TTC28: variants seen among roughly 807,000 people sequenced by gnomAD.
The protein encoded by TTC28 is tetratricopeptide repeat domain 28.
In TTC28, 61 loss-of-function variants were observed where a neutral mutation model predicts 198.0. The observed-to-expected ratio is 0.31, with a 90% CI of 0.25 to 0.38. The LOEUF is 0.38. Ranked by LOEUF, TTC28 falls within the 10% of genes least tolerant of loss-of-function variation. TTC28 has a pLI of 1.00. For synonymous variants in TTC28, 1,171 were observed against 1,297.8 expected (o/e 0.90, Z 2.10); for missense variants, 2,678 against 3,164.0 (o/e 0.85, Z 3.69).
chr22:28,573,504 A>G (rs928804623), intron 2 of TTC28, among the ~76,000 whole-genome samples: 1 of 151,982 alleles, frequency 6.6e-6, no homozygotes, highest in Non-Finnish European at 1.5e-5. Flanking sequence ...AGCAATAAAG[A>G]ACAGAAAAAT....
intron 1 of TTC28, among the ~76,000 whole-genome samples, chr22:28,634,671 C>A (rs956447892): frequency 1.3e-5 from 2 of 150,640 alleles, no homozygotes; most frequent in Admixed American, 6.6e-5. Context: ...CTGCAACCTT[C>A]GCCTCCAGGT....
chr22:28,084,524 C>G (rs1941488515), intron 12 of TTC28, among the ~76,000 whole-genome samples: 1 of 152,156 alleles, frequency 6.6e-6, no homozygotes, highest in Non-Finnish European at 1.5e-5. Context: ...TCACCATCAT[C>G]AAAGACCAAA....
At chr22:28,530,185 C>T (rs1361561793) in intron 2 of TTC28, among the ~76,000 whole-genome samples, 1 of 152,128 alleles carries the variant, frequency 6.6e-6, no homozygotes, top group African/African-American at 2.4e-5. Context: ...GAATGGCTAA[C>T]TAGAATAAAC....
chr22:28,257,102 G>A (rs972198264), intron 5 of TTC28, among the ~76,000 whole-genome samples: 5 of 152,086 alleles, frequency 3.3e-5, no homozygotes, highest in African/African-American at 7.2e-5. Flanking sequence ...AGGCAATAAC[G>A]GATGCTGGTG....
chr22:28,431,417 T>C (rs901347189), intron 2 of TTC28, among the ~76,000 whole-genome samples: 28 of 152,250 alleles, frequency 1.8e-4, no homozygotes, highest in African/African-American at 6.3e-4. Flanking sequence ...ACAAAAACTG[T>C]ACAATTTCAT....
intron 2 of TTC28, among the ~76,000 whole-genome samples, chr22:28,351,988 G>A (rs542011832): frequency 6.6e-6 from 1 of 152,158 alleles, no homozygotes; most frequent in African/African-American, 2.4e-5. Context: ...TGAATACTCT[G>A]CTGTGTGTTC....
chr22:28,440,209 A>G (rs2047596753), intron 2 of TTC28, among the ~76,000 whole-genome samples: 1 of 152,090 alleles, frequency 6.6e-6, no homozygotes. Flanking sequence ...CTTGCTTTTT[A>G]GGGCAATTAC....
At chr22:28,614,767 T>G (rs902592405) in intron 2 of TTC28, among the ~76,000 whole-genome samples, 2 of 152,124 alleles carry the variant, frequency 1.3e-5, no homozygotes, top group Non-Finnish European at 2.9e-5. Flanking sequence ...CTGGACCCCT[T>G]CCTTACACCT....
chr22:28,615,503 TG>T (rs1445198453), intron 2 of TTC28, among the ~76,000 whole-genome samples: 1 of 152,184 alleles, frequency 6.6e-6, no homozygotes, highest in African/African-American at 2.4e-5. Context: ...TGCACACGTA[TG>T]TTTATTGCAG....
intron 5 of TTC28, among the ~76,000 whole-genome samples, chr22:28,163,830 C>T (rs1055280557): frequency 2.6e-5 from 4 of 152,202 alleles, no homozygotes; most frequent in African/African-American, 9.6e-5. Flanking sequence ...CGTGCATGAG[C>T]TGAAGCACGG....
Position 28,233,547 on chromosome 22 carries a change from G to C in TTC28, c.933+62651C>G, listed in dbSNP as rs186191050. Among the ~76,000 whole-genome samples, 268 of 152,256 alleles carry C rather than the reference G, an allele frequency of 1.8e-3. 2 individuals carry two copies. The highest frequency in any genetic ancestry group is 6.3e-3 in the African/African-American group (261 of 41,556). On this transcript the variant is annotated intron_variant, in intron 5 of 22. Coordinates refer to ENST00000397906, the MANE Select transcript of TTC28 (RefSeq NM_001145418.2). ...AATGATAAAAAATAACCCAGAGGTT[G>C]ATTCCCCAGTTAGACATATGTATTC... is the stretch of plus-strand genomic sequence containing the variant.
chr22:28,485,458 T>C (rs1018465908), intron 2 of TTC28, among the ~76,000 whole-genome samples: 1 of 152,202 alleles, frequency 6.6e-6, no homozygotes, highest in Non-Finnish European at 1.5e-5. Context: ...ACTTCTATCC[T>C]GTATTTTCCA....
chr22:28,117,554 C>A (rs1455984365), intron 6 of TTC28, among the ~76,000 whole-genome samples: 1 of 151,974 alleles, frequency 6.6e-6, no homozygotes, highest in Non-Finnish European at 1.5e-5. Flanking sequence ...CCACAAAAAC[C>A]TGTAAACTTG....
Position 27,993,324 on chromosome 22 carries a change from C to G in TTC28, c.5439G>C (p.Arg1813=), listed in dbSNP as rs1937481965. 2 of 1,548,228 alleles carry G rather than the reference C, an allele frequency of 1.3e-6. No individual in the cohort carries two copies. The highest frequency in any genetic ancestry group is 1.7e-6 in the Non-Finnish European group (2 of 1,146,320). ...GGAGTGTGCTGCTGCACTGCTGGAG[C>G]CGGTCGCCCGGGTCGGAGGTTGGGA... ...VFFPTSDPGD[R]LQQCSSTLQS... The change falls in exon 18 of 23, where the codon CGG becomes CGC. Residue 1813 remains arginine, a synonymous_variant. Transcript: ENST00000397906.
At chr22:28,333,208 C>G (rs1601642231) in intron 2 of TTC28, among the ~76,000 whole-genome samples, 1 of 152,000 alleles carries the variant, frequency 6.6e-6, no homozygotes, top group Admixed American at 6.6e-5. Context: ...CAATCTGAAC[C>G]AATTTTTTAA....
At chr22:28,315,998 G>A (rs2145835167) in intron 2 of TTC28, among the ~76,000 whole-genome samples, 1 of 152,256 alleles carries the variant, frequency 6.6e-6, no homozygotes, top group South Asian at 2.1e-4. Flanking sequence ...GATGAGGGCT[G>A]GGTGTCTTAT....
chr22:28,183,999 T>C (rs543950996), intron 5 of TTC28, among the ~76,000 whole-genome samples: 29 of 152,324 alleles, frequency 1.9e-4, no homozygotes, highest in Admixed American at 1.6e-3. Flanking sequence ...TGCATAATAA[T>C]GGACTTAGCA....
chr22:28,093,820 A>C (rs1223932185), intron 12 of TTC28, among the ~76,000 whole-genome samples: 1 of 152,226 alleles, frequency 6.6e-6, no homozygotes, highest in African/African-American at 2.4e-5. Context: ...AACAGTTTAC[A>C]AATCCTGCTT....
chr22:28,678,812 T>C (rs185641388), intron 1 of TTC28, among the ~76,000 whole-genome samples: 3 of 147,982 alleles, frequency 2.0e-5, no homozygotes, highest in African/African-American at 7.5e-5. Flanking sequence ...AACCGGCTCC[T>C]GCTTGCAGGA....
Sources: allele counts gnomAD v4.1 joint callset (sites outside exome capture counted in the v4.1 genomes callset), GRCh38; gene constraint gnomAD v4.1.1; transcripts MANE v1.5; gene names NCBI Gene and HGNC (gene_info 2026-07-23, HGNC 2026-07-21).